Variants in ALMS1 observed in about 807,000 individuals in gnomAD.
The protein encoded by ALMS1 is centrosome-associated protein ALMS1.
A neutral mutation model predicts 352.2 loss-of-function variants in ALMS1; 271 were observed. That is an observed-to-expected ratio of 0.77 (90% CI 0.70 to 0.85). ALMS1 has a LOEUF of 0.85. Among genes scored for constraint, ALMS1 ranks in the 40% least tolerant of loss-of-function variants. ALMS1 has a pLI of 0.00. For synonymous variants in ALMS1, 1,865 were observed against 1,761.2 expected (o/e 1.06, Z -1.48); for missense variants, 5,445 against 4,870.7 (o/e 1.12, Z -3.51).
Position 73,449,606 on chromosome 2 carries a change from C to T in ALMS1, c.3079C>T (p.Leu1027=). ...AGATAGTTATGCAACTGAAAAGGCT[C>T]TGAAAGTTTCAACTGGCCCTGGACC... ...WPDSYATEKA[L]KVSTGPGPAD... is the part of the protein sequence containing the mutation. Residue 1027 remains leucine (L), a synonymous_variant, in exon 8 of 23, where the codon CTG becomes TTG. Transcript: ENST00000613296. The T allele has an allele frequency of 6.2e-7, 1 of 1,614,056 alleles. No individual in the cohort carries two copies. The highest frequency in any genetic ancestry group is 8.5e-7 in the Non-Finnish European group (1 of 1,179,956).
At chr2:73,445,494 C>T (rs1572929364) in intron 7 of ALMS1, among the ~76,000 whole-genome samples, 1 of 152,182 alleles carries the variant, frequency 6.6e-6, no homozygotes, top group Middle Eastern at 3.4e-3. Flanking sequence ...TAATAATTGA[C>T]TTGGAACGAT....
intron 17 of ALMS1, among the ~76,000 whole-genome samples, chr2:73,600,028 G>T (rs945548869): frequency 6.6e-6 from 1 of 152,172 alleles, no homozygotes; most frequent in Non-Finnish European, 1.5e-5. Flanking sequence ...AGCTCTCTCT[G>T]TACTAACATG....
intron 12 of ALMS1, among the ~76,000 whole-genome samples, chr2:73,545,591 A>G (rs1307343017): frequency 2.6e-5 from 4 of 152,246 alleles, no homozygotes; most frequent in Non-Finnish European, 5.9e-5. Context: ...AGGGTTGAGT[A>G]TACGAAATTA....
In ALMS1 at chr2:73,448,750, T is replaced by TATA; in HGVS notation, c.2224_2225insTAA (p.Thr741_Lys742insIle). On this transcript the variant is annotated inframe_insertion, in exon 8 of 23. Transcript: ENST00000613296. Reference sequence around the variant, plus strand: ...GTCATCAAACTGAAGAGACTCTTACTAAAGTTTCAGCCACTCCTGGACCAG... The same window carrying TATA: ...GTCATCAAACTGAAGAGACTCTTACTATAAAAGTTTCAGCCACTCCTGGACCAG... The TATA allele has an allele frequency of 1.2e-6, 2 of 1,604,910 alleles. No homozygotes were observed. The highest frequency in any genetic ancestry group is 8.5e-7 in the Non-Finnish European group (1 of 1,173,964).
At chr2:73,590,114 G>A (rs1161040495) in intron 16 of ALMS1, among the ~76,000 whole-genome samples, 1 of 151,362 alleles carries the variant, frequency 6.6e-6, no homozygotes, top group Non-Finnish European at 1.5e-5. Context: ...AATTTCCGTG[G>A]GAAGAGAGTT....
chr2:73,579,075 A>ATT (rs3076389), intron 16 of ALMS1, among the ~76,000 whole-genome samples: 5 of 129,842 alleles, frequency 3.9e-5, no homozygotes, highest in Non-Finnish European at 7.9e-5. Flanking sequence ...TTTTTTATTT[A>ATT]TTTTTTTTTT....
chr2:73,520,330 A>C (rs1460960418), intron 11 of ALMS1, among the ~76,000 whole-genome samples: 1 of 152,218 alleles, frequency 6.6e-6, no homozygotes, highest in African/African-American at 2.4e-5. Context: ...TCTGCTTTTA[A>C]AATGGCGGAT....
At chr2:73,586,999 T>G (rs1168981334) in intron 16 of ALMS1, among the ~76,000 whole-genome samples, 1 of 148,548 alleles carries the variant, frequency 6.7e-6, no homozygotes, top group East Asian at 2.1e-4. Flanking sequence ...GGTTTTGTGT[T>G]TTTTTTTGTT....
intron 9 of ALMS1, among the ~76,000 whole-genome samples, chr2:73,471,493 C>CAA (rs58688820): frequency 0.034 from 3,869 of 113,504 alleles, 100 homozygotes; most frequent in African/African-American, 0.039. Context: ...ACTCAACAGC[C>CAA]AAAAAAAAAA....
Position 73,449,251 on chromosome 2 carries a change from C to T in ALMS1, c.2724C>T (p.Tyr908=), listed in dbSNP as rs573325092. 4 of 1,614,090 alleles carry T rather than the reference C, an allele frequency of 2.5e-6. No homozygotes were observed. The highest frequency in any genetic ancestry group is 2.7e-5 in the African/African-American group (2 of 75,046). The change falls in exon 8 of 23, where the codon TAC becomes TAT. Residue 908 remains tyrosine, a synonymous_variant. Coordinates refer to ENST00000613296, the MANE Select transcript of ALMS1 (RefSeq NM_001378454.1). ...TACCCTCAGCACCATCTAGTTTCTA[C>T]TCACACAGAGAGAAGCCCATTATTT... The part of the protein sequence containing the change: ...TGIPSAPSSF[Y]SHREKPIIFS...
chr2:73,391,411 A>G (rs1371564672), intron 1 of ALMS1, among the ~76,000 whole-genome samples: 1 of 145,690 alleles, frequency 6.9e-6, no homozygotes, highest in Non-Finnish European at 1.5e-5. Context: ...CTCCTGCCTC[A>G]GCCTCCCGAG....
chr2:73,464,327 A>G (rs1312414043), intron 9 of ALMS1, among the ~76,000 whole-genome samples: 2 of 152,256 alleles, frequency 1.3e-5, no homozygotes, highest in African/African-American at 4.8e-5. Flanking sequence ...GCATATACAC[A>G]GAACCAAAGA....
At chr2:73,555,193 G>A (rs1674518818) in intron 13 of ALMS1, among the ~76,000 whole-genome samples, 1 of 151,996 alleles carries the variant, frequency 6.6e-6, no homozygotes, top group Non-Finnish European at 1.5e-5. Flanking sequence ...ATAAGATAAG[G>A]GATCTTGCCA....
intron 9 of ALMS1, among the ~76,000 whole-genome samples, chr2:73,465,224 C>T (rs1248945393): frequency 6.6e-6 from 1 of 152,094 alleles, no homozygotes; most frequent in African/African-American, 2.4e-5. Context: ...ATCACACTAC[C>T]TGACTTCAAA....
chr2:73,558,336 A>G (rs1160228118), intron 14 of ALMS1, among the ~76,000 whole-genome samples: 2 of 152,224 alleles, frequency 1.3e-5, no homozygotes, highest in Non-Finnish European at 2.9e-5. Context: ...TAAAAAGGTT[A>G]GATTGTATTC....
At chr2:73,445,779 A>G (rs1671800503) in intron 7 of ALMS1, among the ~76,000 whole-genome samples, 1 of 35,462 alleles carries the variant, frequency 2.8e-5, no homozygotes, top group Non-Finnish European at 6.0e-5. Flanking sequence ...TTGGTGTAGT[A>G]TAGTCTTTTC....
In ALMS1 at chr2:73,386,148, C is replaced by T. The variant is rs775431837; in HGVS notation, c.280C>T (p.Pro94Ser). The change falls in exon 1 of 23, where the codon CCG becomes TCG. Residue 94 changes from proline (P) to serine (S), a missense_variant. By Grantham distance (74) the Pro-to-Ser change is moderately conservative. Transcript: ENST00000613296. ...CAGGATTTTGCCTCCGCTGTCGCCC[C>T]CGCAGCACCGCTACTCGGAGGGCGA... ...PGRILPPLSP[P>S]QHRYSEGERT... The T allele has an allele frequency of 2.9e-5, 45 of 1,556,432 alleles. No individual in the cohort carries two copies. The Admixed American group carries it at 7.8e-4, about 27-fold the overall frequency.
intron 21 of ALMS1, among the ~76,000 whole-genome samples, chr2:73,606,537 T>A (rs1379217470): frequency 1.3e-5 from 2 of 152,204 alleles, no homozygotes; most frequent in Admixed American, 1.3e-4. Flanking sequence ...AATATATGAG[T>A]GGATTTAGTG....
intron 1 of ALMS1, among the ~76,000 whole-genome samples, chr2:73,402,036 G>A (rs1233990909): frequency 7.4e-6 from 1 of 134,844 alleles, no homozygotes; most frequent in East Asian, 1.9e-4. Context: ...TGTGTGTTAT[G>A]TGTGTGTGTG....
Sources: gnomAD v4.1 joint callset for allele counts (sites outside exome capture counted in the v4.1 genomes callset) on GRCh38, gnomAD v4.1.1 for gene constraint, MANE v1.5 for transcripts, NCBI Gene and HGNC (gene_info 2026-07-23, HGNC 2026-07-21) for gene names.